The following CNTNAP2 variants were observed in gnomAD, a reference collection of about 807,000 sequenced individuals.
CNTNAP2 encodes contactin associated protein 2.
CNTNAP2 carries 98 observed loss-of-function variants against 155.2 expected under a neutral mutation model. The ratio of observed to expected loss-of-function variants is 0.63; its 90% CI spans 0.54 to 0.75. The LOEUF (loss-of-function observed/expected upper bound fraction) is 0.75, where lower values mean the gene tolerates loss of function less well. Ranked by LOEUF, CNTNAP2 falls within the 30% of genes least tolerant of loss-of-function variation. CNTNAP2 has a pLI of 0.00. For missense variants in CNTNAP2, 1,727 were observed against 1,688.1 expected (o/e 1.02, Z -0.40); for synonymous variants, 651 against 631.2 (o/e 1.03, Z -0.47).
intron 14 of CNTNAP2, among the ~76,000 whole-genome samples, chr7:147,941,104 G>T (rs1018262817): frequency 8.5e-5 from 13 of 152,146 alleles, no homozygotes; most frequent in Non-Finnish European, 1.5e-5. Context: ...ACAGTCTGGC[G>T]CTGAGAGTAG....
intron 11 of CNTNAP2, among the ~76,000 whole-genome samples, chr7:147,515,616 C>A (rs1799112305): frequency 6.6e-6 from 1 of 152,066 alleles, no homozygotes; most frequent in Non-Finnish European, 1.5e-5. Flanking sequence ...CCACTGTATG[C>A]AGCCCATTAT....
At chr7:146,285,974 T>TTC (rs1416294164) in intron 1 of CNTNAP2, among the ~76,000 whole-genome samples, 9 of 45,342 alleles carry the variant, frequency 2.0e-4, no homozygotes, top group African/African-American at 1.2e-3. Flanking sequence ...CCTTCCTTCC[T>TTC]TCTCTGTGTG....
At chr7:147,317,413 T>C (rs576606601) in intron 9 of CNTNAP2, among the ~76,000 whole-genome samples, 1 of 152,370 alleles carries the variant, frequency 6.6e-6, no homozygotes, top group Admixed American at 6.5e-5. Context: ...GGTTCCTTTC[T>C]GTGTTACACA....
chr7:147,697,505 T>A (rs1796179275), intron 13 of CNTNAP2, among the ~76,000 whole-genome samples: 1 of 152,216 alleles, frequency 6.6e-6, no homozygotes, highest in Non-Finnish European at 1.5e-5. Flanking sequence ...ACTCTGGTTC[T>A]GATGCTAATT....
At chr7:147,824,706 C>T (rs1563102095) in intron 13 of CNTNAP2, among the ~76,000 whole-genome samples, 1 of 149,820 alleles carries the variant, frequency 6.7e-6, no homozygotes, top group African/African-American at 2.4e-5. Context: ...CAATATCACC[C>T]AAAAAAACCC....
At chr7:148,345,350 A>G (rs1585292923) in intron 21 of CNTNAP2, among the ~76,000 whole-genome samples, 1 of 151,002 alleles carries the variant, frequency 6.6e-6, no homozygotes, top group South Asian at 2.1e-4. Context: ...TTCTATTTTT[A>G]TTTGTTTGTT....
intron 1 of CNTNAP2, among the ~76,000 whole-genome samples, chr7:146,635,881 G>A (rs1264359318): frequency 6.6e-6 from 1 of 152,096 alleles, no homozygotes. Flanking sequence ...TAAGAGCACC[G>A]AAATGCCTGT....
chr7:146,748,948 T>C (rs1229971919), intron 1 of CNTNAP2, among the ~76,000 whole-genome samples: 1 of 152,212 alleles, frequency 6.6e-6, no homozygotes, highest in Admixed American at 6.5e-5. Context: ...CAAATTGCCG[T>C]AAGTTTTTGG....
intron 1 of CNTNAP2, among the ~76,000 whole-genome samples, chr7:146,473,806 T>C (rs1796834591): frequency 6.6e-6 from 1 of 152,218 alleles, no homozygotes; most frequent in Non-Finnish European, 1.5e-5. Flanking sequence ...TACAGTCTCC[T>C]GGGTCCCACA....
chr7:148,404,465 G>C (rs4726972), intron 22 of CNTNAP2, among the ~76,000 whole-genome samples: 84,617 of 152,052 alleles, frequency 0.56, 24,209 homozygotes, highest in African/African-American at 0.63. Flanking sequence ...CTATGAGACG[G>C]GAGAGTTCCC....
At chr7:146,706,688 T>C (rs1286145775) in intron 1 of CNTNAP2, among the ~76,000 whole-genome samples, 1 of 152,032 alleles carries the variant, frequency 6.6e-6, no homozygotes, top group Non-Finnish European at 1.5e-5. Context: ...ATACCGCATG[T>C]TCTCACTTAT....
chr7:147,224,608 C>A (rs924285218), intron 8 of CNTNAP2, among the ~76,000 whole-genome samples: 1 of 151,902 alleles, frequency 6.6e-6, no homozygotes, highest in African/African-American at 2.4e-5. Flanking sequence ...ATTAAGAAAC[C>A]TTTAGTTAGA....
chr7:146,428,193 C>T (rs1159968507), intron 1 of CNTNAP2, among the ~76,000 whole-genome samples: 1 of 152,100 alleles, frequency 6.6e-6, no homozygotes, highest in African/African-American at 2.4e-5. Context: ...GTGAATAGTG[C>T]TGCAATGAAC....
At chr7:146,896,906 A>T (rs560499471) in intron 3 of CNTNAP2, among the ~76,000 whole-genome samples, 1 of 152,104 alleles carries the variant, frequency 6.6e-6, no homozygotes, top group Non-Finnish European at 1.5e-5. Flanking sequence ...AAATTTTAAG[A>T]TAACCAAACT....
At chr7:146,331,054 C>T (rs1252479138) in intron 1 of CNTNAP2, among the ~76,000 whole-genome samples, 1 of 152,150 alleles carries the variant, frequency 6.6e-6, no homozygotes, top group Non-Finnish European at 1.5e-5. Context: ...CCTGTAATCC[C>T]AGCACTTTGG....
At chr7:148,372,892 G>T (rs1390860255) in intron 21 of CNTNAP2, among the ~76,000 whole-genome samples, 1 of 152,044 alleles carries the variant, frequency 6.6e-6, no homozygotes, top group African/African-American at 2.4e-5. Flanking sequence ...TATTCTATAA[G>T]ATTTTGCTAT....
chr7:148,395,150 C>CTTTT, intron 22 of CNTNAP2, among the ~76,000 whole-genome samples: 1 of 134,254 alleles, frequency 7.4e-6, no homozygotes, highest in Non-Finnish European at 1.6e-5. Context: ...GATTATGTGG[C>CTTTT]TTTTTTTTTT....
intron 15 of CNTNAP2, 78 bp downstream of exon 15, chr7:147,978,067 T>C: frequency 1.9e-6 from 3 of 1,574,490 alleles, no homozygotes; most frequent in Non-Finnish European, 2.6e-6. Flanking sequence ...AGAAGATGCC[T>C]GCAATCAGAC....
intron 1 of CNTNAP2, among the ~76,000 whole-genome samples, chr7:146,339,769 C>T (rs561945996): frequency 6.4e-4 from 97 of 152,188 alleles, no homozygotes; most frequent in African/African-American, 2.0e-3. Context: ...TTGTTTAGAA[C>T]CAGTAACAGG....
Sources: gnomAD v4.1 joint callset for allele counts (sites outside exome capture counted in the v4.1 genomes callset) on GRCh38, gnomAD v4.1.1 for gene constraint, MANE v1.5 for transcripts, NCBI Gene and HGNC (gene_info 2026-07-23, HGNC 2026-07-21) for gene names.